STK32B: variants seen among roughly 807,000 people sequenced by gnomAD.
STK32B encodes serine/threonine kinase 32B.
A neutral mutation model predicts 52.6 loss-of-function variants in STK32B; 43 were observed. The observed-to-expected ratio is 0.82, with a 90% CI of 0.64 to 1.05. STK32B has a LOEUF of 1.05. Among genes scored for constraint, STK32B ranks in the 50% least tolerant of loss-of-function variants. The pLI, the probability that STK32B is intolerant of heterozygous loss-of-function variation, is 0.00. For synonymous variants in STK32B, 238 were observed against 204.3 expected (o/e 1.17, Z -1.41); for missense variants, 621 against 534.6 (o/e 1.16, Z -1.59).
chr4:5,367,211 G>A (rs978597936), intron 4 of STK32B, among the ~76,000 whole-genome samples: 1 of 152,120 alleles, frequency 6.6e-6, no homozygotes, highest in African/African-American at 2.4e-5. Context: ...TCTTGTCACC[G>A]TCCAGTGAAA....
chr4:5,029,498 C>A, the STK32B span, among the ~76,000 whole-genome samples: 1 of 152,096 alleles, frequency 6.6e-6, no homozygotes, highest in African/African-American at 2.4e-5. Context: ...TAGACAGTGG[C>A]CCCTGATTGA....
At chr4:5,071,971 A>G (rs1377953622) in intron 1 of STK32B, among the ~76,000 whole-genome samples, 1 of 152,042 alleles carries the variant, frequency 6.6e-6, no homozygotes. Flanking sequence ...TGCCAATTTG[A>G]TTTGTTTCTT....
intron 1 of STK32B, among the ~76,000 whole-genome samples, chr4:5,113,507 T>C (rs1714522477): frequency 2.0e-5 from 3 of 152,334 alleles, no homozygotes; most frequent in South Asian, 2.1e-4. Context: ...TGTTATAAGC[T>C]ATTAAGGTTT....
intron 3 of STK32B, among the ~76,000 whole-genome samples, chr4:5,176,119 C>T (rs1241348627): frequency 6.6e-6 from 1 of 152,214 alleles, no homozygotes; most frequent in African/African-American, 2.4e-5. Flanking sequence ...GATATAATCT[C>T]CTGGTGTGCC....
At chr4:5,136,795 T>G (rs1296753344) in intron 1 of STK32B, among the ~76,000 whole-genome samples, 1 of 152,210 alleles carries the variant, frequency 6.6e-6, no homozygotes, top group Non-Finnish European at 1.5e-5. Flanking sequence ...TCAAAGTGTC[T>G]TCTTTTAGGT....
Position 5,289,160 on chromosome 4 carries a change from GATAT to G in STK32B, c.261-42057_261-42054del, listed in dbSNP as rs536915722. On this transcript the variant is annotated intron_variant, in intron 3 of 11. Coordinates refer to ENST00000282908, the MANE Select transcript of STK32B (RefSeq NM_018401.3). ...TATAACCTATTACTTCTAGGTTACA[GATAT>G]ATGTAGGATGTTACTGTACTAAATA... Among the ~76,000 whole-genome samples the G allele has an allele frequency of 3.3e-3, 497 of 152,280 alleles. 3 individuals are homozygous for G. Among genetic ancestry groups the G allele is most frequent in the African/African-American group, 0.011 (475 of 41,560 alleles).
At chr4:5,191,924 G>C (rs915935624) in intron 3 of STK32B, among the ~76,000 whole-genome samples, 5 of 152,168 alleles carry the variant, frequency 3.3e-5, no homozygotes, top group African/African-American at 1.2e-4. Context: ...TGAGGGAGGG[G>C]GAATACAACA....
intron 11 of STK32B, among the ~76,000 whole-genome samples, chr4:5,490,211 A>G (rs527475198): frequency 4.6e-5 from 7 of 151,892 alleles, no homozygotes; most frequent in Non-Finnish European, 7.4e-5. Flanking sequence ...GGTTCAAGCA[A>G]TTCTCCTGCC....
At chr4:5,039,088 G>A in the STK32B span, among the ~76,000 whole-genome samples, 1 of 149,520 alleles carries the variant, frequency 6.7e-6, no homozygotes, top group Non-Finnish European at 1.5e-5. Flanking sequence ...CTGGGCTCAA[G>A]TAATCTTCCC....
intron 11 of STK32B, among the ~76,000 whole-genome samples, chr4:5,475,712 G>A (rs765770783): frequency 4.0e-5 from 6 of 150,064 alleles, no homozygotes; most frequent in South Asian, 2.1e-4. Flanking sequence ...AAAAAAAAGT[G>A]TGACCGATTC....
At chr4:5,039,805 T>A in the STK32B span, among the ~76,000 whole-genome samples, 1 of 152,288 alleles carries the variant, frequency 6.6e-6, no homozygotes, top group African/African-American at 2.4e-5. Context: ...GAAATAGGAA[T>A]GTTGAGCTCT....
At chr4:5,403,525 G>C (rs1396281846) in intron 5 of STK32B, among the ~76,000 whole-genome samples, 1 of 152,112 alleles carries the variant, frequency 6.6e-6, no homozygotes, top group Non-Finnish European at 1.5e-5. Flanking sequence ...CAAACTATCA[G>C]TCATCTCCTG....
chr4:5,263,457 T>C (rs1726859499), intron 3 of STK32B, among the ~76,000 whole-genome samples: 2 of 152,182 alleles, frequency 1.3e-5, no homozygotes, highest in South Asian at 4.1e-4. Context: ...GTTGGAGCAC[T>C]GATGTCCATC....
At chr4:5,390,587 C>T (rs749983581) in intron 4 of STK32B, among the ~76,000 whole-genome samples, 1 of 152,132 alleles carries the variant, frequency 6.6e-6, no homozygotes, top group Non-Finnish European at 1.5e-5. Context: ...CTTCAGGTGG[C>T]CTTCTCCTCT....
At chr4:5,259,838 T>A (rs1283760495) in intron 3 of STK32B, among the ~76,000 whole-genome samples, 1 of 152,098 alleles carries the variant, frequency 6.6e-6, no homozygotes. Context: ...TAGGAGGGTC[T>A]CAGAACACAG....
intron 6 of STK32B, among the ~76,000 whole-genome samples, chr4:5,445,671 A>G (rs963155706): frequency 2.3e-4 from 35 of 152,308 alleles, no homozygotes; most frequent in Non-Finnish European, 4.1e-4. Flanking sequence ...TGAAATTCAC[A>G]TAAGATAAAA....
intron 3 of STK32B, among the ~76,000 whole-genome samples, chr4:5,271,724 C>T (rs1727445730): frequency 6.9e-6 from 1 of 145,746 alleles, no homozygotes; most frequent in Non-Finnish European, 1.5e-5. Context: ...CTTCACATCC[C>T]TTGTAAGTTG....
chr4:5,083,335 A>G (rs953413459), intron 1 of STK32B, among the ~76,000 whole-genome samples: 2 of 152,212 alleles, frequency 1.3e-5, no homozygotes, highest in African/African-American at 2.4e-5. Flanking sequence ...AGTGTGTTGA[A>G]CAAAGTCCAC....
At chr4:5,283,150 T>C (rs568098915) in intron 3 of STK32B, among the ~76,000 whole-genome samples, 1 of 152,220 alleles carries the variant, frequency 6.6e-6, no homozygotes, top group East Asian at 1.9e-4. Context: ...AGATTCCACA[T>C]ATAAGTGAGA....
Sources: allele counts gnomAD v4.1 joint callset (sites outside exome capture counted in the v4.1 genomes callset), GRCh38; gene constraint gnomAD v4.1.1; transcripts MANE v1.5; gene names NCBI Gene and HGNC (gene_info 2026-07-23, HGNC 2026-07-21).